Variants in TCF7L2 observed in about 807,000 individuals in gnomAD.
TCF7L2 encodes transcription factor 7 like 2, also known as transcription factor 7-like 2.
Under a neutral mutation model 77.9 loss-of-function variants are expected in TCF7L2, and 23 were observed. The ratio of observed to expected loss-of-function variants is 0.30; its 90% CI spans 0.21 to 0.42. The LOEUF is 0.42. Ranked by LOEUF, TCF7L2 falls within the 10% of genes least tolerant of loss-of-function variation. The pLI is 1.00. For synonymous variants in TCF7L2, 413 were observed against 340.2 expected (o/e 1.21, Z -2.36); for missense variants, 654 against 793.1 (o/e 0.82, Z 2.11).
intron 5 of TCF7L2, among the ~76,000 whole-genome samples, chr10:113,137,036 T>C (rs987944574): frequency 5.3e-5 from 8 of 152,172 alleles, no homozygotes; most frequent in African/African-American, 1.9e-4. Context: ...TTTTTTTCTT[T>C]AACTTTCAGC....
At chr10:113,031,046 G>T (rs1309024121) in intron 4 of TCF7L2, among the ~76,000 whole-genome samples, 2 of 152,216 alleles carry the variant, frequency 1.3e-5, no homozygotes, top group African/African-American at 4.8e-5. Flanking sequence ...TGGCCATTCT[G>T]CCCGTAAGCT....
intron 1 of TCF7L2, 118 bp downstream of exon 1, chr10:112,951,063 T>C: frequency 7.3e-7 from 1 of 1,361,428 alleles, no homozygotes; most frequent in Non-Finnish European, 1.0e-6. Flanking sequence ...GGGCGGCGTG[T>C]GCGTACGGTG....
intron 4 of TCF7L2, among the ~76,000 whole-genome samples, chr10:113,020,648 C>CT (rs1437483088): frequency 6.6e-6 from 1 of 152,214 alleles, no homozygotes; most frequent in African/African-American, 2.4e-5. Flanking sequence ...ACTTTACAGT[C>CT]TAAGTACTTT....
chr10:113,145,796 A>T (rs956679412), intron 7 of TCF7L2, among the ~76,000 whole-genome samples: 1 of 152,228 alleles, frequency 6.6e-6, no homozygotes, highest in African/African-American at 2.4e-5. Flanking sequence ...AGCAGAGGTT[A>T]TAAAATTTAA....
In TCF7L2 at chr10:113,165,961, T is replaced by G. The variant is rs2137658183; in HGVS notation, c.1798T>G (p.Ser600Ala). Residue 600 changes from serine (S) to alanine (A), a missense_variant, in exon 14 of 14, where the codon TCT (serine) becomes GCT (alanine). By Grantham distance (99) the Ser-to-Ala change is moderately conservative. Around this residue, in one of 6 missense-constraint regions of TCF7L2, gnomAD observed 272 missense variants for 215.4 expected, o/e 1.26. Coordinates refer to ENST00000627217, the MANE Select transcript of TCF7L2 (RefSeq NM_001146274.2). ...CCAGCCGCTGTCGCTCGTCACCAAG[T>G]CTTTAGAATAGCTTTAGCGTCGTGA... 6.6e-7 allele frequency: 1 copy of G among 1,524,608 alleles called. No homozygotes were observed. 94.4% of individuals were successfully genotyped at this position (1,524,608 alleles called of 1,614,324 possible).
intron 4 of TCF7L2, among the ~76,000 whole-genome samples, chr10:112,967,075 G>A (rs904786883): frequency 6.6e-6 from 1 of 152,164 alleles, no homozygotes; most frequent in Non-Finnish European, 1.5e-5. Flanking sequence ...AGAAGCAAAG[G>A]GAAAAGAAGG....
intron 12 of TCF7L2, chr10:113,158,668 A>G: frequency 6.2e-7 from 1 of 1,613,836 alleles, no homozygotes; most frequent in South Asian, 1.1e-5. Context: ...TTTTTTCAGA[A>G]CACAGCGAAT....
chr10:113,077,301 G>T (rs2058794399), intron 5 of TCF7L2, among the ~76,000 whole-genome samples: 1 of 152,126 alleles, frequency 6.6e-6, no homozygotes, highest in South Asian at 2.1e-4. Flanking sequence ...ATAAGATAGT[G>T]GTAATTATGC....
rs774534267 is a variant in TCF7L2 at position 113,165,784 on chromosome 10, G to T, written c.1621G>T (p.Ala541Ser). ...GCCTCCGCCACCCGCCCTCCTGCTCGCTGAGGCCACCCACAAGGCCTCCGC... is the reference window on the plus strand; with the variant it reads ...GCCTCCGCCACCCGCCCTCCTGCTCTCTGAGGCCACCCACAAGGCCTCCGC... The change falls in exon 14 of 14, where the codon GCT (alanine) becomes TCT (serine). Residue 541 changes from alanine to serine, a missense_variant. This residue lies in a region of TCF7L2 where 272 missense variants were observed against 215.4 expected (regional missense o/e 1.26). Coordinates refer to ENST00000627217, the MANE Select transcript of TCF7L2 (RefSeq NM_001146274.2). 19 of 1,604,456 alleles carry T rather than the reference G, an allele frequency of 1.2e-5. No individual in the cohort carries two copies. Among genetic ancestry groups the T allele is most frequent in the Admixed American group, 8.5e-5 (5 of 58,972 alleles).
Position 112,985,860 on chromosome 10 carries a change from TTGTGTG to T in TCF7L2, c.450+21263_450+21268del, listed in dbSNP as rs61481377. ...TTTAGCTTGGAAAGAAGCCTGTAGT[TTGTGTG>T]TGTGTGTGTGTGTGTGTGTGTGTGT... is the stretch of plus-strand genomic sequence containing the variant. On this transcript the variant is annotated intron_variant, in intron 4 of 13. Transcript: ENST00000627217. 5.6e-3 allele frequency among the ~76,000 whole-genome samples: 827 copies of T among 146,704 alleles called. 6 individuals carry two copies. Among genetic ancestry groups the T allele is most frequent in the Admixed American group, 0.015 (227 of 14,680 alleles).
Position 113,013,199 on chromosome 10 carries a change from A to T in TCF7L2, c.451-26826A>T, listed in dbSNP as rs1204869945. 2.1e-5 allele frequency among the ~76,000 whole-genome samples: 3 copies of T among 144,814 alleles called. No individual in the cohort carries two copies. In the East Asian group the frequency reaches 5.9e-4, roughly 29 times the overall value. On this transcript the variant is annotated intron_variant, in intron 4 of 13. Transcript: ENST00000627217. ...AGTGGCGTGATCTCAGCTCACTGCA[A>T]CCTCCGCCTCCCAGGTTCAAGCGAT...
intron 5 of TCF7L2, among the ~76,000 whole-genome samples, chr10:113,124,981 T>G (rs150287992): frequency 6.6e-6 from 1 of 152,114 alleles, no homozygotes; most frequent in Non-Finnish European, 1.5e-5. Flanking sequence ...GACAGAAAGA[T>G]GTCATCGTTA....
chr10:112,995,289 C>A (rs1468980234), intron 4 of TCF7L2, among the ~76,000 whole-genome samples: 1 of 152,106 alleles, frequency 6.6e-6, no homozygotes, highest in African/African-American at 2.4e-5. Flanking sequence ...TTCGGCCTTA[C>A]GTTTTTTTGT....
chr10:112,997,692 G>A (rs1479861481), intron 4 of TCF7L2, among the ~76,000 whole-genome samples: 1 of 152,192 alleles, frequency 6.6e-6, no homozygotes, highest in Non-Finnish European at 1.5e-5. Context: ...TCTCATCAGC[G>A]ATATTCGTCC....
At chr10:113,021,014 C>T (rs1465846773) in intron 4 of TCF7L2, among the ~76,000 whole-genome samples, 2 of 152,160 alleles carry the variant, frequency 1.3e-5, no homozygotes, top group Non-Finnish European at 1.5e-5. Context: ...GCCCTGTGAT[C>T]GTTCTCTTCT....
At chr10:113,128,058 A>G (rs73360281) in intron 5 of TCF7L2, among the ~76,000 whole-genome samples, 12,296 of 152,110 alleles carry the variant, frequency 0.081, 964 homozygotes, top group Admixed American at 0.24. Context: ...AGCAGCTGCC[A>G]GGAGTGTGGT....
intron 5 of TCF7L2, among the ~76,000 whole-genome samples, chr10:113,078,154 C>T (rs930548844): frequency 9.9e-5 from 15 of 151,700 alleles, no homozygotes; most frequent in Admixed American, 9.8e-4. Flanking sequence ...TAAGCTAGTT[C>T]ATATTTGCTT....
chr10:113,146,627 T>G (rs563784437), intron 8 of TCF7L2, among the ~76,000 whole-genome samples: 2 of 151,868 alleles, frequency 1.3e-5, no homozygotes, highest in East Asian at 1.9e-4. Context: ...TTTTGTTTTT[T>G]TTTTTTTAAA....
chr10:113,058,932 G>C (rs973040385), intron 5 of TCF7L2, among the ~76,000 whole-genome samples: 3 of 152,168 alleles, frequency 2.0e-5, no homozygotes, highest in African/African-American at 7.2e-5. Context: ...ACAGGAAACG[G>C]TGCTCACTGC....
Sources: allele counts gnomAD v4.1 joint callset (sites outside exome capture counted in the v4.1 genomes callset), GRCh38; gene constraint gnomAD v4.1.1; regional missense constraint gnomAD v4.1.1; transcripts MANE v1.5; gene names NCBI Gene and HGNC (gene_info 2026-07-23, HGNC 2026-07-21).